ALOX5AP: variants seen among roughly 807,000 people sequenced by gnomAD.
ALOX5AP encodes arachidonate 5-lipoxygenase-activating protein.
A neutral mutation model predicts 18.5 loss-of-function variants in ALOX5AP; 9 were observed. That is an observed-to-expected ratio of 0.49 (90% CI 0.29 to 0.85). The LOEUF is 0.85. Ranked by LOEUF, ALOX5AP falls within the 40% of genes least tolerant of loss-of-function variation. The pLI, the probability that ALOX5AP is intolerant of heterozygous loss-of-function variation, is 0.08. For synonymous variants in ALOX5AP, 81 were observed against 78.6 expected, an observed-to-expected ratio of 1.03 and a Z score of -0.16; for missense variants, 172 against 202.5, an observed-to-expected ratio of 0.85 and a Z score of 0.91.
chr13:30,746,324 C>T lies in ALOX5AP; in HGVS notation c.170+2165C>T, dbSNP rs557068330. On this transcript the variant is annotated intron_variant, in intron 2 of 4. Coordinates refer to ENST00000380490, the MANE Select transcript of ALOX5AP (RefSeq NM_001629.4). Reference sequence around the variant, plus strand: ...CTCAAAACCCATGGGTCTGTACACTCAACCTCCATGAGAGGGAAGGAGAAG... The same window carrying T: ...CTCAAAACCCATGGGTCTGTACACTTAACCTCCATGAGAGGGAAGGAGAAG... 6.6e-5 allele frequency among the ~76,000 whole-genome samples: 10 copies of T among 152,340 alleles called. No homozygotes were observed. In the South Asian group the frequency reaches 1.9e-3, roughly 28 times the overall value.
At chr13:30,735,411 G>T, upstream of ALOX5AP, 1 of 1,238,248 alleles carries the variant, frequency 8.1e-7, no homozygotes, top group Admixed American at 3.2e-5. Flanking sequence ...CTGAACCACA[G>T]CCAGGGCATT....
chr13:30,756,147 G>T (rs12721458), intron 4 of ALOX5AP, 122 bp downstream of exon 4: 1 of 877,464 alleles, frequency 1.1e-6, no homozygotes, highest in Admixed American at 2.1e-5. Flanking sequence ...TGGGTGGGAG[G>T]GGGAAGGCTG....
intron 1 of ALOX5AP, among the ~76,000 whole-genome samples, chr13:30,726,553 G>A (rs1011139544): frequency 1.5e-4 from 23 of 152,166 alleles, no homozygotes; most frequent in African/African-American, 4.8e-4. Flanking sequence ...ATTCCAAGGG[G>A]AATATAGAAT....
At chr13:30,738,565 C>T (rs1252857053) in intron 1 of ALOX5AP, among the ~76,000 whole-genome samples, 1 of 152,210 alleles carries the variant, frequency 6.6e-6, no homozygotes, top group Non-Finnish European at 1.5e-5. Context: ...AGACGCATTT[C>T]TTATGAGTAG....
At chr13:30,719,088 C>T (rs951880627) in intron 1 of ALOX5AP, among the ~76,000 whole-genome samples, 2 of 152,190 alleles carry the variant, frequency 1.3e-5, no homozygotes. Flanking sequence ...GGGTCTGAGT[C>T]CTGTCTCAGT....
chr13:30,713,683 G>T, exon 1 of ALOX5AP: 1 of 1,344,176 alleles, frequency 7.4e-7, no homozygotes, highest in South Asian at 1.2e-5. Flanking sequence ...CTGTAGAACT[G>T]ACTTCACTGT....
intron 3 of ALOX5AP, among the ~76,000 whole-genome samples, chr13:30,754,342 G>A (rs993264308): frequency 2.6e-5 from 4 of 152,158 alleles, no homozygotes; most frequent in African/African-American, 9.7e-5. Flanking sequence ...TGGGTTTTGG[G>A]GAGTGGCTGA....
At chr13:30,754,539 TA>T (rs17245260) in intron 3 of ALOX5AP, among the ~76,000 whole-genome samples, 11,387 of 152,294 alleles carry the variant, frequency 0.075, 533 homozygotes, top group East Asian at 0.11. Flanking sequence ...TTGAGCCATG[TA>T]AAACTGCCAA....
chr13:30,735,027 T>C (rs1951709409), upstream of ALOX5AP, among the ~76,000 whole-genome samples: 1 of 152,192 alleles, frequency 6.6e-6, no homozygotes, highest in African/African-American at 2.4e-5. Context: ...TGTGTGTGTG[T>C]GTGAGACAGT....
At chr13:30,748,365 C>T (rs747210882) in intron 2 of ALOX5AP, among the ~76,000 whole-genome samples, 12 of 152,114 alleles carry the variant, frequency 7.9e-5, no homozygotes, top group East Asian at 1.9e-4. Flanking sequence ...AACTAATTAA[C>T]GGAACACTAA....
chr13:30,716,409 G>A (rs183498853), intron 1 of ALOX5AP, among the ~76,000 whole-genome samples: 2 of 152,202 alleles, frequency 1.3e-5, no homozygotes, highest in African/African-American at 4.8e-5. Context: ...GTGCTCCAAG[G>A]AGCTGTTGTA....
Position 30,747,775 on chromosome 13 carries a change from A to C in ALOX5AP, c.170+3616A>C, listed in dbSNP as rs371530132. On this transcript the variant is annotated intron_variant, in intron 2 of 4. Transcript: ENST00000380490. ...CTGATTCTTGGTTTTCTAAGAGGGG[A>C]ATGTATTATTTAACTACAGACACCC... Among the ~76,000 whole-genome samples, 208 of 152,094 alleles carry C rather than the reference A, an allele frequency of 1.4e-3. 1 individual carries two copies. The highest frequency in any genetic ancestry group is 4.8e-3 in the African/African-American group (200 of 41,464).
chr13:30,760,353 C>T (rs1006117635), intron 4 of ALOX5AP, among the ~76,000 whole-genome samples: 13 of 152,178 alleles, frequency 8.5e-5, no homozygotes, highest in African/African-American at 3.1e-4. Flanking sequence ...GCCTCAGTCT[C>T]CCAAAGTGCT....
rs150273767 is a variant in ALOX5AP, at chr13:30,735,662, C to T, written c.57C>T (p.Ser19=). ...TGTTGGCCATCGTCACCCTCATCAG[C>T]GTGGTCCAGAATGGTAAGGAAAGCC... is the stretch of plus-strand genomic sequence containing the variant. ...VVLLAIVTLI[S]VVQNGFFAHK... is the part of the protein sequence containing the mutation. Residue 19 remains serine, a synonymous_variant, in exon 1 of 5, where the codon AGC becomes AGT. Coordinates refer to ENST00000380490, the MANE Select transcript of ALOX5AP (RefSeq NM_001629.4). 2.2e-4 allele frequency: 360 copies of T among 1,614,066 alleles called. No homozygotes were observed. The highest frequency in any genetic ancestry group is 9.9e-4 in the Middle Eastern group (6 of 6,062).
intron 1 of ALOX5AP, among the ~76,000 whole-genome samples, chr13:30,715,698 A>G (rs1241722788): frequency 6.6e-6 from 1 of 152,194 alleles, no homozygotes; most frequent in South Asian, 2.1e-4. Flanking sequence ...TCCCATGAGG[A>G]TATGTTCAGA....
intron 3 of ALOX5AP, 76 bp from the exon 4 acceptor site, chr13:30,755,868 T>C (rs959396394): frequency 6.4e-6 from 9 of 1,408,050 alleles, no homozygotes; most frequent in East Asian, 2.3e-5. Flanking sequence ...GTGACCAATG[T>C]TGATTGCCTA....
chr13:30,729,946 C>T (rs1449205824), intron 1 of ALOX5AP, among the ~76,000 whole-genome samples: 2 of 152,210 alleles, frequency 1.3e-5, no homozygotes, highest in African/African-American at 4.8e-5. Flanking sequence ...GCTTCATTTA[C>T]GTACAAATGC....
intron 1 of ALOX5AP, among the ~76,000 whole-genome samples, chr13:30,740,097 T>C (rs554943297): frequency 6.6e-6 from 1 of 152,338 alleles, no homozygotes; most frequent in African/African-American, 2.4e-5. Context: ...TCTCCTCTCC[T>C]CTTCCTGTGT....
At chr13:30,724,572 T>C (rs1460607874) in intron 1 of ALOX5AP, among the ~76,000 whole-genome samples, 1 of 152,194 alleles carries the variant, frequency 6.6e-6, no homozygotes, top group African/African-American at 2.4e-5. Context: ...TTGGAGTGCC[T>C]TTATAGGTGA....
Sources: gnomAD v4.1 joint callset for allele counts (sites outside exome capture counted in the v4.1 genomes callset) on GRCh38, gnomAD v4.1.1 for gene constraint, MANE v1.5 for transcripts, NCBI Gene and HGNC (gene_info 2026-07-23, HGNC 2026-07-21) for gene names.